The following INPP4B variants were observed in gnomAD, a reference collection of about 807,000 sequenced individuals.
INPP4B encodes the protein inositol polyphosphate-4-phosphatase type II B.
Under a neutral mutation model 122.5 loss-of-function variants are expected in INPP4B, and 55 were observed. That is an observed-to-expected ratio of 0.45 (90% CI 0.36 to 0.56). The LOEUF is 0.56. Ranked by LOEUF, INPP4B falls within the 20% of genes least tolerant of loss-of-function variation. The pLI is 0.00. For missense variants in INPP4B, 1,000 were observed against 1,097.7 expected, an observed-to-expected ratio of 0.91 and a Z score of 1.26; for synonymous variants, 403 against 388.7, an observed-to-expected ratio of 1.04 and a Z score of -0.43.
At chr4:142,460,330 T>C (rs1001688230) in intron 3 of INPP4B, among the ~76,000 whole-genome samples, 3 of 152,104 alleles carry the variant, frequency 2.0e-5, no homozygotes, top group African/African-American at 7.2e-5. Context: ...AAAACAATAA[T>C]TTACAGATTA....
At chr4:142,680,913 C>A (rs1224774356) in intron 2 of INPP4B, among the ~76,000 whole-genome samples, 1 of 151,812 alleles carries the variant, frequency 6.6e-6, no homozygotes, top group Non-Finnish European at 1.5e-5. Flanking sequence ...CTCAAACATC[C>A]ATGACACAAA....
intron 2 of INPP4B, among the ~76,000 whole-genome samples, chr4:142,674,757 G>T (rs527372727): frequency 6.6e-6 from 1 of 152,180 alleles, no homozygotes; most frequent in East Asian, 1.9e-4. Context: ...TGAACAACCT[G>T]CTCCTAAATG....
At position 142,108,145 on chromosome 4, in the gene INPP4B, G is replaced by C; in HGVS notation, c.2322C>G (p.Phe774Leu). The change falls in exon 23 of 26, where the codon TTC becomes TTG. Residue 774 changes from phenylalanine to leucine, a missense_variant. Coordinates refer to ENST00000262992, the MANE Select transcript of INPP4B (RefSeq NM_001101669.3). ...TCTTGTAATATTCTTGTAGAAGTTC[G>C]AAGTTTTCCTGATTAATACTTTCTT... Reference protein sequence around the residue: ...SLQESINQENFELLQEYYKIF... With the variant: ...SLQESINQENLELLQEYYKIF... The C allele has an allele frequency of 6.2e-7, 1 of 1,601,098 alleles. No individual in the cohort carries two copies. Among genetic ancestry groups the C allele is most frequent in the Non-Finnish European group, 8.6e-7 (1 of 1,169,390 alleles).
chr4:142,078,367 A>G (rs369206982), intron 25 of INPP4B, among the ~76,000 whole-genome samples: 2 of 152,160 alleles, frequency 1.3e-5, no homozygotes, highest in East Asian at 1.9e-4. Flanking sequence ...CAATCAAGTG[A>G]TAACTTCATA....
At chr4:142,177,539 A>G (rs1292681532) in intron 15 of INPP4B, among the ~76,000 whole-genome samples, 1 of 152,220 alleles carries the variant, frequency 6.6e-6, no homozygotes, top group African/African-American at 2.4e-5. Flanking sequence ...AATATTTTAT[A>G]GAATATAAAT....
At chr4:142,100,309 T>C (rs1290449540) in intron 23 of INPP4B, among the ~76,000 whole-genome samples, 1 of 152,088 alleles carries the variant, frequency 6.6e-6, no homozygotes, top group Non-Finnish European at 1.5e-5. Context: ...GAAGTGGTTA[T>C]ATCTTTTCTA....
At chr4:142,607,765 T>C (rs942386394) in intron 2 of INPP4B, among the ~76,000 whole-genome samples, 1 of 152,130 alleles carries the variant, frequency 6.6e-6, no homozygotes, top group Non-Finnish European at 1.5e-5. Context: ...ATATACTTTT[T>C]TAAAAAAGAA....
At chr4:142,359,521 G>T (rs116286769) in intron 7 of INPP4B, among the ~76,000 whole-genome samples, 7 of 151,708 alleles carry the variant, frequency 4.6e-5, no homozygotes, top group Admixed American at 3.3e-4. Context: ...TCTAAACCTC[G>T]TCCCATTTTT....
At chr4:142,265,903 G>A (rs1246346841) in intron 10 of INPP4B, among the ~76,000 whole-genome samples, 3 of 152,158 alleles carry the variant, frequency 2.0e-5, no homozygotes, top group Non-Finnish European at 4.4e-5. Flanking sequence ...TATGAAAAGA[G>A]TATAATTTAA....
chr4:142,426,372 A>C (rs896758776), intron 5 of INPP4B: 1 of 152,160 alleles, frequency 6.6e-6, no homozygotes, highest in South Asian at 2.1e-4. Context: ...AATTTTATTA[A>C]ACCATAAACA....
chr4:142,178,588 G>C (rs1829384390), intron 15 of INPP4B, among the ~76,000 whole-genome samples: 1 of 152,036 alleles, frequency 6.6e-6, no homozygotes, highest in South Asian at 2.1e-4. Context: ...GCTCAACCAA[G>C]CTACTATTTT....
At chr4:142,205,533 T>C (rs1305459398) in intron 14 of INPP4B, among the ~76,000 whole-genome samples, 1 of 152,170 alleles carries the variant, frequency 6.6e-6, no homozygotes, top group Non-Finnish European at 1.5e-5. Context: ...TCAGCTCTGA[T>C]AAAACAGATC....
At chr4:142,490,959 T>C (rs1019991620) in intron 2 of INPP4B, among the ~76,000 whole-genome samples, 1 of 152,204 alleles carries the variant, frequency 6.6e-6, no homozygotes, top group African/African-American at 2.4e-5. Flanking sequence ...TCTTTACCAT[T>C]CATTCATTGA....
At chr4:142,030,864 CATA>C (rs1401875132) in intron 25 of INPP4B, among the ~76,000 whole-genome samples, 2 of 152,194 alleles carry the variant, frequency 1.3e-5, no homozygotes, top group Admixed American at 1.3e-4. Context: ...CCTTGCAAGC[CATA>C]ATATTAGTTT....
chr4:142,717,468 G>A (rs1020222557), intron 2 of INPP4B, among the ~76,000 whole-genome samples: 13 of 152,096 alleles, frequency 8.5e-5, no homozygotes, highest in Admixed American at 7.9e-4. Flanking sequence ...TCTGGGATTC[G>A]AACCCAAACT....
chr4:142,769,853 G>A (rs933640026), intron 1 of INPP4B, among the ~76,000 whole-genome samples: 26 of 152,132 alleles, frequency 1.7e-4, no homozygotes, highest in Non-Finnish European at 2.9e-4. Flanking sequence ...GACAGAGGTG[G>A]CAGTGAGCTG....
intron 8 of INPP4B, among the ~76,000 whole-genome samples, chr4:142,307,120 G>A (rs958060701): frequency 1.3e-5 from 2 of 152,138 alleles, no homozygotes; most frequent in Non-Finnish European, 2.9e-5. Flanking sequence ...GAAGTAGAGT[G>A]AATCAAGATA....
intron 25 of INPP4B, among the ~76,000 whole-genome samples, chr4:142,043,922 C>A (rs1358996346): frequency 6.6e-6 from 1 of 151,944 alleles, no homozygotes; most frequent in Non-Finnish European, 1.5e-5. Flanking sequence ...GTTGAATAAA[C>A]TAGGGACATG....
chr4:142,353,320 C>A (rs995444533), intron 7 of INPP4B, among the ~76,000 whole-genome samples: 2 of 151,888 alleles, frequency 1.3e-5, no homozygotes, highest in Admixed American at 1.3e-4. Context: ...CTAGGGGGAG[C>A]GCTAGGCTCT....
Sources: gnomAD v4.1 joint callset for allele counts (sites outside exome capture counted in the v4.1 genomes callset) on GRCh38, gnomAD v4.1.1 for gene constraint, MANE v1.5 for transcripts, NCBI Gene and HGNC (gene_info 2026-07-23, HGNC 2026-07-21) for gene names.